The following DOCK4 variants were observed in gnomAD, a reference collection of about 807,000 sequenced individuals.
The protein encoded by DOCK4 is dedicator of cytokinesis protein 4.
In DOCK4, 97 loss-of-function variants were observed where a neutral mutation model predicts 268.1. The observed-to-expected ratio is 0.36, with a 90% CI of 0.31 to 0.43. The LOEUF (loss-of-function observed/expected upper bound fraction) is 0.43, where lower values mean the gene tolerates loss of function less well. Ranked by LOEUF, DOCK4 falls within the 20% of genes least tolerant of loss-of-function variation. The pLI, the probability that DOCK4 is intolerant of heterozygous loss-of-function variation, is 1.00. For missense variants in DOCK4, 2,145 were observed against 2,455.7 expected (o/e 0.87, Z 2.67); for synonymous variants, 954 against 887.2 (o/e 1.08, Z -1.34).
chr7:111,825,053 T>C (rs1802290952), intron 26 of DOCK4, among the ~76,000 whole-genome samples: 2 of 152,186 alleles, frequency 1.3e-5, no homozygotes, highest in African/African-American at 2.4e-5. Context: ...CCCAATGACC[T>C]TGGCAATTTG....
intron 12 of DOCK4, among the ~76,000 whole-genome samples, chr7:111,926,543 GAGAA>G (rs1442274006): frequency 6.8e-6 from 1 of 147,852 alleles, no homozygotes; most frequent in Non-Finnish European, 1.5e-5. Flanking sequence ...GAAAGAGAAA[GAGAA>G]AGAAAGGAAG....
intron 30 of DOCK4, among the ~76,000 whole-genome samples, chr7:111,805,117 G>A (rs1051351749): frequency 1.3e-5 from 2 of 152,100 alleles, no homozygotes; most frequent in Admixed American, 6.5e-5. Context: ...GACCTGTGGA[G>A]GACTATTTGT....
intron 1 of DOCK4, among the ~76,000 whole-genome samples, chr7:112,109,959 T>C (rs894385314): frequency 4.6e-5 from 7 of 151,420 alleles, no homozygotes; most frequent in African/African-American, 1.7e-4. Flanking sequence ...TTAGCCAGGA[T>C]GGTCTCGATC....
At chr7:112,154,047 C>T (rs2116424804) in intron 1 of DOCK4, among the ~76,000 whole-genome samples, 1 of 152,260 alleles carries the variant, frequency 6.6e-6, no homozygotes, top group Admixed American at 6.5e-5. Flanking sequence ...TGTGGGCTCA[C>T]TGCAACCTTG....
intron 8 of DOCK4, among the ~76,000 whole-genome samples, chr7:111,954,944 G>A (rs1313897882): frequency 6.6e-6 from 1 of 152,136 alleles, no homozygotes; most frequent in Non-Finnish European, 1.5e-5. Flanking sequence ...TGATTGACTG[G>A]GTCAGGATGG....
intron 26 of DOCK4, among the ~76,000 whole-genome samples, chr7:111,833,130 T>C (rs914945451): frequency 1.4e-4 from 22 of 152,218 alleles, no homozygotes; most frequent in Non-Finnish European, 3.1e-4. Context: ...GTGTTAAGAA[T>C]ACAGCTTCTA....
chr7:111,816,431 C>T (rs1801561535), intron 27 of DOCK4, among the ~76,000 whole-genome samples: 3 of 152,162 alleles, frequency 2.0e-5, no homozygotes, highest in Admixed American at 6.5e-5. Flanking sequence ...TGTGGGAATG[C>T]ATCTAAACGA....
intron 16 of DOCK4, among the ~76,000 whole-genome samples, chr7:111,877,701 T>C (rs886194283): frequency 1.3e-5 from 2 of 152,226 alleles, no homozygotes; most frequent in African/African-American, 4.8e-5. Context: ...AGAGTCCTAC[T>C]ATGTGAGGGA....
At chr7:111,852,228 T>G (rs921748670) in intron 23 of DOCK4, among the ~76,000 whole-genome samples, 2 of 152,150 alleles carry the variant, frequency 1.3e-5, no homozygotes, top group African/African-American at 4.8e-5. Context: ...CCTTCCAAAG[T>G]GCTAGGATTA....
At chr7:112,140,442 T>G (rs1271055609) in intron 1 of DOCK4, among the ~76,000 whole-genome samples, 1 of 152,046 alleles carries the variant, frequency 6.6e-6, no homozygotes, top group Non-Finnish European at 1.5e-5. Flanking sequence ...CTGTTGGGTT[T>G]TGGGGGTCAT....
At chr7:112,013,307 T>G (rs772255379) in intron 1 of DOCK4, among the ~76,000 whole-genome samples, 17 of 152,232 alleles carry the variant, frequency 1.1e-4, no homozygotes, top group Admixed American at 1.1e-3. Flanking sequence ...GTCTAAATTC[T>G]TACAATTACT....
At chr7:111,754,606 G>A (rs1175028725) in intron 42 of DOCK4, among the ~76,000 whole-genome samples, 3 of 152,196 alleles carry the variant, frequency 2.0e-5, no homozygotes, top group Admixed American at 6.5e-5. Flanking sequence ...GTTAATAAAT[G>A]GCTATAATGG....
chr7:112,003,977 G>A, intron 2 of DOCK4, 71 bp downstream of exon 2: 1 of 1,164,862 alleles, frequency 8.6e-7, no homozygotes, highest in South Asian at 1.6e-5. Context: ...GAGATTAATA[G>A]CGGTATGGAC....
intron 1 of DOCK4, among the ~76,000 whole-genome samples, chr7:112,033,194 T>C (rs1466245208): frequency 6.6e-6 from 1 of 152,030 alleles, no homozygotes; most frequent in Non-Finnish European, 1.5e-5. Flanking sequence ...AATCTAAAAA[T>C]AGGCCAAGCT....
chr7:112,184,754 T>C (rs1172193187), intron 1 of DOCK4, among the ~76,000 whole-genome samples: 4 of 151,404 alleles, frequency 2.6e-5, no homozygotes, highest in Non-Finnish European at 5.9e-5. Context: ...GCTCTTTCAT[T>C]TTCTAGCAAT....
At position 111,992,345 on chromosome 7, in the gene DOCK4, G is replaced by C. The variant is rs530484289; in HGVS notation, c.315+1790C>G. ...TAACCTAAACACACTTGAGCATGAG[G>C]AACTTGAACCAAAACATTTGGCACA... is the stretch of plus-strand genomic sequence containing the variant. On this transcript the variant is annotated intron_variant, in intron 5 of 52. Transcript: ENST00000428084. Among the ~76,000 whole-genome samples the C allele has an allele frequency of 3.3e-5, 5 of 152,236 alleles. No homozygotes were observed. The South Asian group carries it at 1.0e-3, about 32-fold the overall frequency.
Position 111,954,314 on chromosome 7 carries a change from T to C in DOCK4, c.702-8516A>G, listed in dbSNP as rs1796287268. 3.3e-5 allele frequency among the ~76,000 whole-genome samples: 5 copies of C among 152,146 alleles called. No homozygotes were observed. In the South Asian group the frequency reaches 8.3e-4, roughly 25 times the overall value. ...CTACCTCTGTCCAGGCAAGATACTT[T>C]GGGAAGCAGCTGGAAGGTGTGCTGG... On this transcript the variant is annotated intron_variant, in intron 8 of 52. Coordinates refer to ENST00000428084, the MANE Select transcript of DOCK4 (RefSeq NM_001363540.2).
intron 1 of DOCK4, among the ~76,000 whole-genome samples, chr7:112,085,067 T>C (rs958275459): frequency 6.6e-6 from 1 of 152,140 alleles, no homozygotes; most frequent in African/African-American, 2.4e-5. Flanking sequence ...AAAATTGTTC[T>C]AGTATATTCA....
intron 1 of DOCK4, among the ~76,000 whole-genome samples, chr7:112,067,936 C>T (rs371620010): frequency 5.2e-4 from 79 of 152,298 alleles, no homozygotes; most frequent in African/African-American, 1.6e-3. Context: ...GACTGCAGGG[C>T]GACTACGTCC....
Sources: allele counts gnomAD v4.1 joint callset (sites outside exome capture counted in the v4.1 genomes callset), GRCh38; gene constraint gnomAD v4.1.1; transcripts MANE v1.5; gene names NCBI Gene and HGNC (gene_info 2026-07-23, HGNC 2026-07-21).